The following PRRG1 variants were observed in gnomAD, a reference collection of about 807,000 sequenced individuals.
The protein encoded by PRRG1 is transmembrane gamma-carboxyglutamic acid protein 1.
PRRG1 carries 5 observed loss-of-function variants against 11.8 expected under a neutral mutation model. The ratio of observed to expected loss-of-function variants is 0.42; its 90% CI spans 0.22 to 0.89. The LOEUF (loss-of-function observed/expected upper bound fraction) is 0.89. Ranked by LOEUF, PRRG1 falls within the 40% of genes least tolerant of loss-of-function variation. PRRG1 has a pLI of 0.28. For missense variants in PRRG1, 155 were observed against 166.1 expected (o/e 0.93, Z 0.37); for synonymous variants, 66 against 60.4 (o/e 1.09, Z -0.43).
intron 1 of PRRG1, among the ~76,000 whole-genome samples, chrX:37,383,682 A>G (rs1037151702): frequency 9.0e-6 from 1 of 111,361 alleles, no homozygotes; most frequent in Non-Finnish European, 1.9e-5. Context: ...CTCTGGTTGA[A>G]TTGTCTATAT....
At chrX:37,376,949 C>G (rs1556372514) in intron 1 of PRRG1, among the ~76,000 whole-genome samples, 1 of 110,260 alleles carries the variant, frequency 9.1e-6, no homozygotes, top group African/African-American at 3.3e-5. Flanking sequence ...TTCTACTGTT[C>G]TTAATACAAT....
intron 1 of PRRG1, among the ~76,000 whole-genome samples, chrX:37,377,283 C>T (rs191178487): frequency 1.3e-4 from 14 of 111,474 alleles, no homozygotes; most frequent in Admixed American, 3.8e-4. Flanking sequence ...TGTTGAAAGA[C>T]GGTAGGGAAT....
At chrX:37,377,481 G>A (rs1931012036) in intron 1 of PRRG1, among the ~76,000 whole-genome samples, 2 of 112,028 alleles carry the variant, frequency 1.8e-5, no homozygotes, top group African/African-American at 6.5e-5. Context: ...GGGTTAAGAT[G>A]TTCAGCAGAG....
intron 1 of PRRG1, among the ~76,000 whole-genome samples, chrX:37,377,596 C>A (rs187604800): frequency 7.2e-5 from 8 of 111,570 alleles, no homozygotes; most frequent in Non-Finnish European, 3.8e-5. Context: ...GTTTTTATGT[C>A]ATTATGGCAA....
intron 3 of PRRG1, among the ~76,000 whole-genome samples, chrX:37,427,301 A>G (rs1322345776): frequency 4.5e-5 from 5 of 111,951 alleles, no homozygotes; most frequent in Non-Finnish European, 9.4e-5. Context: ...TATGTTTGAC[A>G]TATAAAAAGC....
intron 1 of PRRG1, among the ~76,000 whole-genome samples, chrX:37,395,471 T>C (rs1476753375): frequency 4.6e-5 from 5 of 109,593 alleles, no homozygotes; most frequent in Non-Finnish European, 7.6e-5. Context: ...AAAAAATAGC[T>C]GGGCATAGAG....
rs142645832 is a variant in PRRG1, at chrX:37,378,447, C to T, written c.-41-27762C>T. Among the ~76,000 whole-genome samples, 151 of 111,929 alleles carry T rather than the reference C, an allele frequency of 1.3e-3. 7 individuals carry two copies. In the East Asian group the frequency reaches 0.016, roughly 12 times the overall value. ...ATGGTTAGCCAAAGAGAATTTTCTCCTCAGACTAGTAACTAAATTGATATG... is the reference window on the plus strand; with the variant it reads ...ATGGTTAGCCAAAGAGAATTTTCTCTTCAGACTAGTAACTAAATTGATATG... On this transcript the variant is annotated intron_variant, in intron 1 of 3. Coordinates refer to ENST00000378628, the MANE Select transcript of PRRG1 (RefSeq NM_001142395.2).
chrX:37,451,455 A>G (rs1287630418), intron 3 of PRRG1, among the ~76,000 whole-genome samples: 1 of 112,744 alleles, frequency 8.9e-6, no homozygotes, highest in Non-Finnish European at 1.9e-5. Flanking sequence ...ATACATCTAT[A>G]TTTAATAGTT....
intron 1 of PRRG1, among the ~76,000 whole-genome samples, chrX:37,370,519 A>G (rs1930731019): frequency 9.0e-6 from 1 of 111,420 alleles, no homozygotes; most frequent in South Asian, 3.8e-4. Context: ...CACCCAAGTC[A>G]TGGCTGTGGA....
chrX:37,378,880 C>A (rs1295508575), intron 1 of PRRG1, among the ~76,000 whole-genome samples: 1 of 109,699 alleles, frequency 9.1e-6, no homozygotes, highest in African/African-American at 3.3e-5. Context: ...ATTAAGGTAT[C>A]CTTGAAAATC....
intron 1 of PRRG1, among the ~76,000 whole-genome samples, chrX:37,360,368 A>G (rs1930374770): frequency 1.8e-5 from 2 of 112,208 alleles, no homozygotes; most frequent in South Asian, 7.3e-4. Context: ...TTAGTTCAAA[A>G]TATGTTTTTA....
rs781850571 is a variant in PRRG1, at chrX:37,409,526, T to C, written c.10+3267T>C. On this transcript the variant is annotated intron_variant, in intron 2 of 3. Transcript: ENST00000378628. Reference sequence around the variant, plus strand: ...CTTCAAAGAATGCTGCTTTTACAAATACAGAAGCTTGTGATAGCATTTTCA... The same window carrying C: ...CTTCAAAGAATGCTGCTTTTACAAACACAGAAGCTTGTGATAGCATTTTCA... Among the ~76,000 whole-genome samples, 4 of 112,624 alleles carry C rather than the reference T, an allele frequency of 3.6e-5. 1 individual carries two copies. The highest frequency in any genetic ancestry group is 1.3e-4 in the African/African-American group (4 of 31,075).
intron 3 of PRRG1, among the ~76,000 whole-genome samples, chrX:37,434,982 A>G (rs1218712692): frequency 8.9e-6 from 1 of 112,156 alleles, no homozygotes; most frequent in African/African-American, 3.2e-5. Flanking sequence ...TTAAGCGTGC[A>G]TAGGAACAGT....
intron 2 of PRRG1, among the ~76,000 whole-genome samples, chrX:37,424,237 C>T (rs782785058): frequency 1.8e-5 from 2 of 111,688 alleles, no homozygotes; most frequent in South Asian, 7.6e-4. Context: ...TCCATAAATA[C>T]TTCACTCAGA....
intron 1 of PRRG1, chrX:37,403,609 C>T (rs1322136581): frequency 3.4e-6 from 1 of 292,697 alleles, no homozygotes; most frequent in Non-Finnish European, 4.4e-6. Context: ...TGCACATGTA[C>T]CCTAAAACTT....
At chrX:37,413,364 C>T (rs1932403440) in intron 2 of PRRG1, among the ~76,000 whole-genome samples, 1 of 110,894 alleles carries the variant, frequency 9.0e-6, no homozygotes, top group African/African-American at 3.3e-5. Flanking sequence ...TTTATTATCT[C>T]TGTGATTTTG....
At chrX:37,419,406 G>A (rs1556386248) in intron 2 of PRRG1, among the ~76,000 whole-genome samples, 1 of 111,725 alleles carries the variant, frequency 9.0e-6, no homozygotes, top group East Asian at 2.8e-4. Flanking sequence ...CTTATAATAA[G>A]GACCATTTCT....
chrX:37,378,177 G>A (rs1047422816), intron 1 of PRRG1, among the ~76,000 whole-genome samples: 1 of 112,123 alleles, frequency 8.9e-6, no homozygotes, highest in Admixed American at 9.4e-5. Context: ...ATGGATGTTT[G>A]TTTTATTCTT....
At chrX:37,432,977 C>T (rs782009463) in intron 3 of PRRG1, among the ~76,000 whole-genome samples, 1 of 111,594 alleles carries the variant, frequency 9.0e-6, no homozygotes, top group South Asian at 3.8e-4. Context: ...TCTGACTCCT[C>T]TCTTTTTCAT....
Sources: allele counts gnomAD v4.1 joint callset (sites outside exome capture counted in the v4.1 genomes callset), GRCh38; gene constraint gnomAD v4.1.1; transcripts MANE v1.5; gene names NCBI Gene and HGNC (gene_info 2026-07-23, HGNC 2026-07-21).